Variants in ITIH1 observed in about 807,000 individuals in gnomAD.
The protein encoded by ITIH1 is inter-alpha-trypsin inhibitor heavy chain 1.
In ITIH1, 94 loss-of-function variants were observed where a neutral mutation model predicts 104.6. That is an observed-to-expected ratio of 0.90 (90% CI 0.76 to 1.07). The LOEUF (loss-of-function observed/expected upper bound fraction) is 1.07. Ranked by LOEUF, ITIH1 falls within the 50% of genes least tolerant of loss-of-function variation. The pLI is 0.00. For synonymous variants in ITIH1, 455 were observed against 464.4 expected (o/e 0.98, Z 0.26); for missense variants, 1,193 against 1,181.4 (o/e 1.01, Z -0.14).
rs765106264 is a variant in ITIH1, at chr3:52,789,844, C to T, written c.2311C>T (p.Arg771Trp). ...VFSWRDQAVL[R>W]QDGVVVTINK... ...TTCCTGGAGGGACCAAGCTGTGCTG[C>T]GGCAGGACGGGTAACCTGCCAGGGC... Residue 771 changes from arginine (R) to tryptophan (W), a missense_variant, in exon 19 of 22, where the codon CGG becomes TGG. By Grantham distance (101) the Arg-to-Trp change is moderately radical. Transcript: ENST00000273283. The T allele has an allele frequency of 9.9e-6, 16 of 1,613,988 alleles. No individual in the cohort carries two copies. In the East Asian group the frequency reaches 2.0e-4, roughly 20 times the overall value.
rs1022770411 is a variant in ITIH1, at chr3:52,777,802, A to T, written c.117+70A>T. 10 of 1,439,000 alleles carry T rather than the reference A, an allele frequency of 6.9e-6. No homozygotes were observed. The Admixed American group carries it at 1.1e-4, about 16-fold the overall frequency. The allele number at this position is 1,439,000 out of a possible 1,614,324, so 89.1% of individuals were successfully genotyped here. A position where few individuals can be genotyped will look rare whatever the true frequency, so the allele number is the denominator to read the frequency against. On this transcript the variant is annotated intron_variant, in intron 1 of 21. Transcript: ENST00000273283. Reference sequence around the variant, plus strand: ...GATGAGGCCCCGGGCGGGACACAAGACCCCCATTCAAGGGGCCAGGGTCAC... The same window carrying T: ...GATGAGGCCCCGGGCGGGACACAAGTCCCCCATTCAAGGGGCCAGGGTCAC...
intron 19 of ITIH1, 92 bp from the exon 20 acceptor site, chr3:52,790,657 T>C: frequency 7.7e-7 from 1 of 1,304,536 alleles, no homozygotes; most frequent in Non-Finnish European, 1.1e-6. Context: ...GGGGGCGTGG[T>C]CATAAGGGTT....
chr3:52,789,094 T>C (rs1699281643), intron 18 of ITIH1, among the ~76,000 whole-genome samples: 1 of 152,152 alleles, frequency 6.6e-6, no homozygotes, highest in African/African-American at 2.4e-5. Context: ...CCTGTCCAGT[T>C]AGTCCATCTG....
At position 52,784,456 on chromosome 3, in the gene ITIH1, T is replaced by C. The variant is rs779263032; in HGVS notation, c.1386T>C (p.His462=). 5.0e-6 allele frequency: 8 copies of C among 1,614,086 alleles called. No individual in the cohort carries two copies. In the Admixed American group the frequency reaches 1.3e-4, roughly 27 times the overall value. The stretch of plus-strand genomic sequence containing the variant: ...GGGCCCAGAGAATCTACGAGGACCA[T>C]GATGCCACCCAGCAGCTGCAGGTCT... ...NGRAQRIYED[H]DATQQLQGFY... is the part of the protein sequence containing the mutation. Residue 462 remains histidine (H), a synonymous_variant, in exon 11 of 22, where the codon CAT becomes CAC. Transcript: ENST00000273283.
Position 52,791,927 on chromosome 3 carries a change from C to G in ITIH1, c.*16C>G. ...CATCTTCTGAGCCCTCTGGCCAGCA[C>G]GCCTGTCCTCCCCCGGGGCCAAGGC... On this transcript the variant is annotated 3_prime_UTR_variant, in exon 22 of 22. Transcript: ENST00000273283. 1.2e-6 allele frequency: 2 copies of G among 1,603,964 alleles called. No individual in the cohort carries two copies. Among genetic ancestry groups the G allele is most frequent in the Non-Finnish European group, 1.7e-6 (2 of 1,174,206 alleles).
rs144224070 is a variant in ITIH1, at chr3:52,790,829, G to A, written c.2402G>A (p.Arg801Gln). 46 of 1,612,982 alleles carry A rather than the reference G, an allele frequency of 2.9e-5. No individual in the cohort carries two copies. The highest frequency in any genetic ancestry group is 1.7e-4 in the Middle Eastern group (1 of 6,060). The change falls in exon 20 of 22, where the codon CGA becomes CAA. Residue 801 changes from arginine (R) to glutamine (Q), a missense_variant. Transcript: ENST00000273283. ...GGCACCTTTGAGGTTGTTTTGCACCGAGTGTGGAAGGGGAGCTCGGTCCAC... is the reference window on the plus strand; with the variant it reads ...GGCACCTTTGAGGTTGTTTTGCACCAAGTGTGGAAGGGGAGCTCGGTCCAC... ...DGGTFEVVLH[R>Q]VWKGSSVHQD...
At chr3:52,789,929 CCCT>C in intron 19 of ITIH1, 75 bp downstream of exon 19, 2 of 1,447,582 alleles carry the variant, frequency 1.4e-6, no homozygotes, top group East Asian at 4.6e-5. Flanking sequence ...GTCTGCAGGG[CCCT>C]CGTCCCTGAG....
At position 52,792,022 on chromosome 3, in the gene ITIH1, C is replaced by A; in HGVS notation, c.*111C>A. 8.2e-7 allele frequency: 1 copy of A among 1,222,814 alleles called. No homozygotes were observed. The highest frequency in any genetic ancestry group is 1.1e-6 in the Non-Finnish European group (1 of 878,440). 75.7% of individuals were successfully genotyped at this position (1,222,814 alleles called of 1,614,324 possible). A position where few individuals can be genotyped will look rare whatever the true frequency, so the allele number is the denominator to read the frequency against. On this transcript the variant is annotated 3_prime_UTR_variant, in exon 22 of 22. Transcript: ENST00000273283. ...CCTTGACTAAGCTGGTTCCTTGTGT[C>A]AAAGCACCTCATGCCTTCCATTAAA...
intron 6 of ITIH1, among the ~76,000 whole-genome samples, chr3:52,781,201 TTTTTTTTTTCTTCTTC>T (rs1320860971): frequency 0.018 from 1,278 of 70,126 alleles, 55 homozygotes; most frequent in African/African-American, 0.036. Flanking sequence ...CCTCTTCTTT[TTTTTTTTTTCTTCTTC>T]TTCTTCTTCT....
chr3:52,788,334 A>AC lies in ITIH1; in HGVS notation c.2112dup (p.Asn705GlnfsTer22). 6.3e-7 allele frequency: 1 copy of AC among 1,598,584 alleles called. No individual in the cohort carries two copies. ...GGTGTTATCCTGAGCCTGGTACAGG[A>AC]CCCCAACACAGGTATGGCGGGCATC... On this transcript the variant is annotated frameshift_variant, in exon 18 of 22. Coordinates refer to ENST00000273283, the MANE Select transcript of ITIH1 (RefSeq NM_002215.4). LOFTEE classifies it high-confidence loss of function.
At chr3:52,790,097 C>T (rs184614964) in intron 19 of ITIH1, 4 of 555,338 alleles carry the variant, frequency 7.2e-6, no homozygotes, top group Non-Finnish European at 9.7e-6. Context: ...AATGCCACCC[C>T]TGTCTCTACC....
chr3:52,785,812 AC>A (rs1482845792), intron 12 of ITIH1, among the ~76,000 whole-genome samples: 1 of 152,196 alleles, frequency 6.6e-6, no homozygotes, highest in Non-Finnish European at 1.5e-5. Flanking sequence ...CCTTTTCTGT[AC>A]CATACTGCAT....
rs1699304724 is a variant in ITIH1 at position 52,789,833 on chromosome 3, A to G, written c.2300A>G (p.Gln767Arg). ...GGGCCTGTGTTTTCCTGGAGGGACCAAGCTGTGCTGCGGCAGGACGGGTAA... is the reference window on the plus strand; with the variant it reads ...GGGCCTGTGTTTTCCTGGAGGGACCGAGCTGTGCTGCGGCAGGACGGGTAA... ...FGGPVFSWRDQAVLRQDGVVV... is the reference protein window; with the variant it reads ...FGGPVFSWRDRAVLRQDGVVV... The change falls in exon 19 of 22, where the codon CAA becomes CGA. Residue 767 changes from glutamine (Q) to arginine (R), a missense_variant. Gln to Arg is a conservative substitution (Grantham distance 43). Coordinates refer to ENST00000273283, the MANE Select transcript of ITIH1 (RefSeq NM_002215.4). The G allele has an allele frequency of 6.2e-7, 1 of 1,614,198 alleles. No homozygotes were observed. The highest frequency in any genetic ancestry group is 8.5e-7 in the Non-Finnish European group (1 of 1,180,030).
At position 52,786,310 on chromosome 3, in the gene ITIH1, A is replaced by G. The variant is rs766473141; in HGVS notation, c.1609A>G (p.Ser537Gly). Residue 537 changes from serine (S) to glycine (G), a missense_variant, in exon 13 of 22, where the codon AGT becomes GGT. Coordinates refer to ENST00000273283, the MANE Select transcript of ITIH1 (RefSeq NM_002215.4). ...CAACTCTCAGGAGGGACAAGAATTC[A>G]GTATAACCTGCCTAGTGGATGAGGA... ...VQAHGEGQEF[S>G]ITCLVDEEEM... is the part of the protein sequence containing the mutation. The G allele has an allele frequency of 1.9e-6, 3 of 1,570,756 alleles. No homozygotes were observed. Among genetic ancestry groups the G allele is most frequent in the Admixed American group, 1.9e-5 (1 of 53,120 alleles).
In ITIH1 at chr3:52,779,699, A is replaced by G. The variant is rs764396849; in HGVS notation, c.573+105A>G. 1 of 1,357,814 alleles carries G rather than the reference A, an allele frequency of 7.4e-7. No homozygotes were observed. The highest frequency in any genetic ancestry group is 1.1e-6 in the Non-Finnish European group (1 of 950,340). 84.1% of individuals were successfully genotyped at this position (1,357,814 alleles called of 1,614,324 possible). On this transcript the variant is annotated intron_variant, in intron 5 of 21. Coordinates refer to ENST00000273283, the MANE Select transcript of ITIH1 (RefSeq NM_002215.4). The surrounding 1 kb of genome is among the most constrained non-coding windows in gnomAD (Gnocchi z 4.4). ...TGTGTCACCACCCAGGCCTGAGAACACAGGGATGGGGACTAACCCCTCAGG... is the reference window on the plus strand; with the variant it reads ...TGTGTCACCACCCAGGCCTGAGAACGCAGGGATGGGGACTAACCCCTCAGG...
chr3:52,783,619 A>G (rs1011674825), intron 10 of ITIH1, among the ~76,000 whole-genome samples: 1 of 152,202 alleles, frequency 6.6e-6, no homozygotes, highest in Non-Finnish European at 1.5e-5. Context: ...TTCTGTTCAC[A>G]GTTTAATGAA....
At chr3:52,781,209 T>TTCTTCTTCC (rs1699034295) in intron 6 of ITIH1, among the ~76,000 whole-genome samples, 1 of 14,346 alleles carries the variant, frequency 7.0e-5, no homozygotes, top group Non-Finnish European at 1.6e-4. Context: ...TTTTTTTTTT[T>TTCTTCTTCC]TCTTCTTCTT....
At chr3:52,785,995 T>G (rs1216636000) in intron 12 of ITIH1, among the ~76,000 whole-genome samples, 3 of 152,138 alleles carry the variant, frequency 2.0e-5, no homozygotes, top group Non-Finnish European at 4.4e-5. Flanking sequence ...TTGGTGGGCA[T>G]TTGGAGTGGG....
In ITIH1 at chr3:52,785,516, G is replaced by GCAAGAGAC. The variant is rs559557740; in HGVS notation, c.1593+291_1593+298dup. Among the ~76,000 whole-genome samples the GCAAGAGAC allele has an allele frequency of 8.5e-5, 13 of 152,352 alleles. No homozygotes were observed. In the East Asian group the frequency reaches 1.7e-3, roughly 20 times the overall value. ...ATCATTCATCCCAAGGTGCAAGAGA[G>GCAAGAGAC]CAAGAGACCAACCTCTCCCTTCTCA... On this transcript the variant is annotated intron_variant, in intron 12 of 21. Transcript: ENST00000273283.
Sources: allele counts gnomAD v4.1 joint callset (sites outside exome capture counted in the v4.1 genomes callset), GRCh38; gene constraint gnomAD v4.1.1; non-coding constraint Gnocchi (gnomAD v3.1); transcripts MANE v1.5; gene names NCBI Gene and HGNC (gene_info 2026-07-23, HGNC 2026-07-21).